Variants in POR observed in about 807,000 individuals in gnomAD.
POR encodes the protein cytochrome p450 oxidoreductase.
In POR, 56 loss-of-function variants were observed where a neutral mutation model predicts 84.0. That is an observed-to-expected ratio of 0.67 (90% confidence interval 0.54 to 0.83). POR has a LOEUF of 0.83. Ranked by LOEUF, POR falls within the 40% of genes least tolerant of loss-of-function variation. The probability of loss-of-function intolerance (pLI) is 0.00; values close to 1 mark genes in which losing one functional copy is unlikely to be tolerated. For synonymous variants in POR, 414 were observed against 400.5 expected (o/e 1.03, Z -0.40); for missense variants, 938 against 944.3 (o/e 0.99, Z 0.09).
chr7:75,972,312 C>T, intron 2 of POR, 101 bp from the exon 3 acceptor site: 3 of 1,057,474 alleles, frequency 2.8e-6, no homozygotes, highest in South Asian at 1.4e-5. Context: ...TGTGCTGCCA[C>T]AGCATCCCAT....
chr7:75,976,508 G>A (rs1788699091), intron 3 of POR, among the ~76,000 whole-genome samples: 1 of 151,092 alleles, frequency 6.6e-6, no homozygotes, highest in Non-Finnish European at 1.5e-5. Context: ...ACTTTGGGAG[G>A]CTGAGACGGG....
At position 75,985,962 on chromosome 7, in the gene POR, G is replaced by A. The variant is rs372955296; in HGVS notation, c.1709G>A (p.Arg570His). The A allele has an allele frequency of 1.2e-4, 193 of 1,587,792 alleles. No homozygotes were observed. In the Middle Eastern group the frequency reaches 1.8e-3, roughly 15 times the overall value. ...GAGACGCTGCTGTACTACGGCTGCC[G>A]CCGCTCGGATGAGGACTACCTGTAC... is the stretch of plus-strand genomic sequence containing the variant. Residue 570 changes from arginine to histidine, a missense_variant, in exon 14 of 16, where the codon CGC (arginine) becomes CAC (histidine). Transcript: ENST00000461988.
intron 2 of POR, among the ~76,000 whole-genome samples, chr7:75,971,456 G>A (rs1788436719): frequency 6.6e-6 from 1 of 151,968 alleles, no homozygotes; most frequent in African/African-American, 2.4e-5. Flanking sequence ...GGCCCTGCAG[G>A]CTTGGGGCAA....
chr7:75,959,286 C>G (rs1418715188), intron 2 of POR, among the ~76,000 whole-genome samples: 6 of 152,174 alleles, frequency 3.9e-5, no homozygotes, highest in Admixed American at 3.9e-4. Context: ...ATCTCCTATT[C>G]TAAATCCCAC....
At chr7:75,980,602 G>A in intron 5 of POR, 114 bp downstream of exon 5, 1 of 1,600,542 alleles carries the variant, frequency 6.2e-7, no homozygotes, top group African/African-American at 1.3e-5. Flanking sequence ...GTCCTCAGCA[G>A]CCAGGGCAGG....
At chr7:75,972,906 TCCA>T in intron 3 of POR, 1 of 234,662 alleles carries the variant, frequency 4.3e-6, no homozygotes, top group Non-Finnish European at 8.7e-6. Flanking sequence ...CACTGCAAGC[TCCA>T]CCTCCCGGGT....
chr7:75,943,543 G>A (rs1412360326), intron 1 of POR, among the ~76,000 whole-genome samples: 1 of 152,148 alleles, frequency 6.6e-6, no homozygotes, highest in Non-Finnish European at 1.5e-5. Context: ...ATATCTGCTG[G>A]TGAATAATAT....
At chr7:75,916,060 C>T (rs1554548031) in intron 1 of POR, among the ~76,000 whole-genome samples, 1 of 152,076 alleles carries the variant, frequency 6.6e-6, no homozygotes, top group Non-Finnish European at 1.5e-5. Context: ...GAGAATGATG[C>T]CAGCACAAAA....
chr7:75,924,355 G>A (rs2116225691), intron 1 of POR, among the ~76,000 whole-genome samples: 1 of 152,236 alleles, frequency 6.6e-6, no homozygotes, highest in East Asian at 1.9e-4. Flanking sequence ...TCAGTTACCT[G>A]GATGCTGAAG....
chr7:75,946,566 G>A (rs1554552155), intron 1 of POR, among the ~76,000 whole-genome samples: 1 of 152,170 alleles, frequency 6.6e-6, no homozygotes, highest in African/African-American at 2.4e-5. Context: ...GAGATTAAAG[G>A]CATGAGCCAC....
At chr7:75,943,756 C>CT (rs1787054496) in intron 1 of POR, 1 of 442,776 alleles carries the variant, frequency 2.3e-6, no homozygotes, top group African/African-American at 2.1e-5. Flanking sequence ...TTGGTAACGT[C>CT]TTTAGATTCA....
chr7:75,925,631 C>G (rs868990342), intron 1 of POR, among the ~76,000 whole-genome samples: 1 of 152,182 alleles, frequency 6.6e-6, no homozygotes, highest in African/African-American at 2.4e-5. Context: ...TAGAGCACCA[C>G]GTATGTGCCA....
intron 1 of POR, among the ~76,000 whole-genome samples, chr7:75,944,396 G>A (rs781977180): frequency 3.9e-5 from 6 of 152,156 alleles, no homozygotes; most frequent in Non-Finnish European, 7.3e-5. Flanking sequence ...AGCCAGGCGT[G>A]GTGGCACACG....
intron 1 of POR, among the ~76,000 whole-genome samples, chr7:75,940,716 G>A (rs568586554): frequency 5.3e-5 from 8 of 151,782 alleles, no homozygotes; most frequent in East Asian, 2.0e-4. Context: ...CCCAGGAGGC[G>A]GAGCTTGCTG....
At chr7:75,923,456 C>G (rs1806970291) in intron 1 of POR, 1 of 541,180 alleles carries the variant, frequency 1.8e-6, no homozygotes, top group Non-Finnish European at 3.3e-6. Context: ...GAGCCAGGTG[C>G]CAAACTACAG....
intron 1 of POR, chr7:75,946,730 G>GCC (rs1223558947): frequency 6.6e-6 from 1 of 152,214 alleles, no homozygotes; most frequent in Non-Finnish European, 1.5e-5. Flanking sequence ...ACTGTGTTTG[G>GCC]CCCCATGAGC....
chr7:75,972,918 G>T (rs1032938522), intron 3 of POR, among the ~76,000 whole-genome samples: 2 of 152,024 alleles, frequency 1.3e-5, no homozygotes, highest in Non-Finnish European at 2.9e-5. Flanking sequence ...CACCTCCCGG[G>T]TTCAAGCCAT....
At chr7:75,942,663 TTTGAGCTCAAGGTTTGAGCTCAAAA>T (rs2116345649) in intron 1 of POR, among the ~76,000 whole-genome samples, 1 of 151,996 alleles carries the variant, frequency 6.6e-6, no homozygotes, top group Non-Finnish European at 1.5e-5. Context: ...TTTTGTTTTT[TTTGAGCTCAAGGTTTGAGCTCAAAA>T]AAATGTGCAA....
At chr7:75,955,543 A>C (rs1187476550) in intron 2 of POR, among the ~76,000 whole-genome samples, 1 of 152,196 alleles carries the variant, frequency 6.6e-6, no homozygotes, top group Non-Finnish European at 1.5e-5. Context: ...GGGACCTGCC[A>C]GGTCAGGTCT....
Sources: gnomAD v4.1 joint callset for allele counts (sites outside exome capture counted in the v4.1 genomes callset) on GRCh38, gnomAD v4.1.1 for gene constraint, MANE v1.5 for transcripts, NCBI Gene and HGNC (gene_info 2026-07-23, HGNC 2026-07-21) for gene names.